The following TTC34 variants were observed in gnomAD, a reference collection of about 807,000 sequenced individuals.
The protein encoded by TTC34 is tetratricopeptide repeat protein 34.
A neutral mutation model predicts 40.7 loss-of-function variants in TTC34; 44 were observed. The ratio of observed to expected loss-of-function variants is 1.08; its 90% confidence interval spans 0.85 to 1.39. The LOEUF is 1.39. TTC34 is among the 40% of genes most tolerant of loss of function. The probability of loss-of-function intolerance (pLI) is 0.00; values close to 1 mark genes in which losing one functional copy is unlikely to be tolerated. For missense variants in TTC34, 884 were observed against 838.0 expected (o/e 1.05, Z -0.68); for synonymous variants, 422 against 398.6 (o/e 1.06, Z -0.70).
At chr1:2,780,925 A>G (rs1643472722) in intron 6 of TTC34, among the ~76,000 whole-genome samples, 1 of 152,090 alleles carries the variant, frequency 6.6e-6, no homozygotes, top group South Asian at 2.1e-4. Context: ...TGTCTTATTT[A>G]ATTTATTTCA....
intron 6 of TTC34, among the ~76,000 whole-genome samples, chr1:2,691,596 C>CAT (rs1360522570): frequency 2.8e-3 from 106 of 38,262 alleles, no homozygotes; most frequent in African/African-American, 5.7e-3. Flanking sequence ...CAGGTGAGAC[C>CAT]CTGACAGCCT....
intron 6 of TTC34, among the ~76,000 whole-genome samples, chr1:2,779,331 T>C (rs566762361): frequency 5.3e-5 from 8 of 152,210 alleles, no homozygotes; most frequent in African/African-American, 1.4e-4. Context: ...ATTTTTTTTT[T>C]CTTTTTTTTG....
chr1:2,645,159 G>T lies in TTC34; in HGVS notation c.2497+134C>A. 9.0e-7 allele frequency: 1 copy of T among 1,110,980 alleles called. No homozygotes were observed. The highest frequency in any genetic ancestry group is 1.2e-6 in the Non-Finnish European group (1 of 838,708). 68.8% of individuals were successfully genotyped at this position (1,110,980 alleles called of 1,614,324 possible). A position where few individuals can be genotyped will look rare whatever the true frequency, so the allele number is the denominator to read the frequency against. On this transcript the variant is annotated intron_variant, in intron 7 of 8. Transcript: ENST00000401095. The surrounding 1 kb of genome is among the most constrained non-coding windows in gnomAD (Gnocchi z 4.7). The stretch of plus-strand genomic sequence containing the variant: ...AGCAGGGCCAGAGGTCATGGGATTT[G>T]GGGTGGAAGGGACCTTGGAAGCTGT...
chr1:2,749,114 A>G (rs1569684929), intron 6 of TTC34, among the ~76,000 whole-genome samples: 3 of 141,314 alleles, frequency 2.1e-5, no homozygotes, highest in East Asian at 2.1e-4. Flanking sequence ...CTGGAGCAGC[A>G]CCCACACCCC....
In TTC34 at chr1:2,764,161, G is replaced by A. The variant is rs1171517959; in HGVS notation, c.2226+19448C>T. 8.3e-5 allele frequency among the ~76,000 whole-genome samples: 12 copies of A among 144,866 alleles called. No homozygotes were observed. The East Asian group carries it at 8.4e-4, about 10-fold the overall frequency. ...CCACTCTTCCAGGTGAGAATCTGACGCATAAAACAGCACCCTGCAACCCCA... is the reference window on the plus strand; with the variant it reads ...CCACTCTTCCAGGTGAGAATCTGACACATAAAACAGCACCCTGCAACCCCA... On this transcript the variant is annotated intron_variant, in intron 6 of 8. Coordinates refer to ENST00000401095, the Ensembl canonical transcript of TTC34.
chr1:2,749,455 C>G (rs1641246017), intron 6 of TTC34, among the ~76,000 whole-genome samples: 1 of 101,312 alleles, frequency 9.9e-6, no homozygotes, highest in Non-Finnish European at 2.0e-5. Context: ...CCCAGGTGAG[C>G]ATCTGACGGC....
At chr1:2,787,265 G>A (rs1045057243) in intron 4 of TTC34, among the ~76,000 whole-genome samples, 93 of 152,338 alleles carry the variant, frequency 6.1e-4, no homozygotes, top group Non-Finnish European at 5.9e-5. Flanking sequence ...TGCCCCAGCC[G>A]ATTTCCATGA....
chr1:2,768,641 C>A (rs1219803915), intron 6 of TTC34, among the ~76,000 whole-genome samples: 2 of 151,852 alleles, frequency 1.3e-5, no homozygotes, highest in Non-Finnish European at 2.9e-5. Context: ...CATCCGACAG[C>A]CTGGAACAGC....
chr1:2,772,914 G>C (rs1204236210), intron 6 of TTC34, among the ~76,000 whole-genome samples: 1 of 110,466 alleles, frequency 9.1e-6, no homozygotes, highest in South Asian at 3.2e-4. Context: ...GTGAGCATTC[G>C]ACAGCCTGGA....
intron 6 of TTC34, among the ~76,000 whole-genome samples, chr1:2,691,709 G>A (rs569453156): frequency 2.1e-5 from 2 of 96,486 alleles, no homozygotes; most frequent in Admixed American, 2.1e-4. Context: ...CACATCCCCA[G>A]GTGAGCATTG....
Position 2,752,779 on chromosome 1 carries a change from G to A in TTC34, c.2226+30830C>T, listed in dbSNP as rs1234556023. Among the ~76,000 whole-genome samples, 19 of 123,798 alleles carry A rather than the reference G, an allele frequency of 1.5e-4. 2 individuals carry two copies. Among genetic ancestry groups the A allele is most frequent in the Non-Finnish European group, 3.0e-4 (18 of 60,178 alleles). 81.2% of individuals were successfully genotyped at this position (123,798 alleles called of 152,430 possible). On this transcript the variant is annotated intron_variant, in intron 6 of 8. Transcript: ENST00000401095. ...GCGTGGAACAGCACCCATACGCCCA[G>A]ATAAGCATGTGACAGCCTGGAACAG...
At chr1:2,794,098 A>G (rs1299281992) in intron 2 of TTC34, among the ~76,000 whole-genome samples, 1 of 152,108 alleles carries the variant, frequency 6.6e-6, no homozygotes, top group Non-Finnish European at 1.5e-5. Flanking sequence ...CAAGCTTAAG[A>G]GATCCTCCCA....
At chr1:2,637,590 G>A (rs1377293454) in exon 9 of TTC34, 1 of 152,238 alleles carries the variant, frequency 6.6e-6, no homozygotes, top group East Asian at 1.9e-4. Flanking sequence ...GGCACCAGCA[G>A]AATTGAGGGC....
chr1:2,643,344 G>C (rs1638951853), intron 8 of TTC34, among the ~76,000 whole-genome samples: 1 of 152,216 alleles, frequency 6.6e-6, no homozygotes, highest in Non-Finnish European at 1.5e-5. Context: ...GCCGGGAGCC[G>C]CCTCCTGGCG....
intron 6 of TTC34, among the ~76,000 whole-genome samples, chr1:2,685,248 GCA>G (rs1640278512): frequency 9.6e-6 from 1 of 103,954 alleles, no homozygotes; most frequent in South Asian, 4.1e-4. Flanking sequence ...CCCCAGGTGA[GCA>G]TCTGAGAGCC....
rs1267280450 is a variant in TTC34 at position 2,747,961 on chromosome 1, C to A, written c.2226+35648G>T. The stretch of plus-strand genomic sequence containing the variant: ...ACATCGTGGAGCAGCACCCCACACC[C>A]ATAGGTGAGCATCTGACAGCCTGGA... On this transcript the variant is annotated intron_variant, in intron 6 of 8. Coordinates refer to ENST00000401095, the Ensembl canonical transcript of TTC34. Among the ~76,000 whole-genome samples the A allele has an allele frequency of 5.1e-4, 36 of 70,450 alleles. 14 individuals carry two copies. The highest frequency in any genetic ancestry group is 4.2e-3 in the African/African-American group (36 of 8,536). The allele number at this position is 70,450 out of a possible 152,430, so 46.2% of individuals were successfully genotyped here.
chr1:2,789,338 C>T lies in TTC34; in HGVS notation c.1628+165G>A, dbSNP rs1257247767. Among the ~76,000 whole-genome samples the T allele has an allele frequency of 2.6e-5, 4 of 152,334 alleles. No individual in the cohort carries two copies. The East Asian group carries it at 7.7e-4, about 29-fold the overall frequency. ...GGATTTCCATTTCCGGACTGCGGCCCGGTCGATGGAAGCAGCGGAGCTAGA... is the reference window on the plus strand; with the variant it reads ...GGATTTCCATTTCCGGACTGCGGCCTGGTCGATGGAAGCAGCGGAGCTAGA... On this transcript the variant is annotated intron_variant, in intron 3 of 8. Coordinates refer to ENST00000401095, the Ensembl canonical transcript of TTC34.
At chr1:2,656,422 G>A (rs1330319186) in intron 6 of TTC34, among the ~76,000 whole-genome samples, 3 of 67,636 alleles carry the variant, frequency 4.4e-5, no homozygotes, top group Non-Finnish European at 5.7e-5. Flanking sequence ...ACACCCCCAG[G>A]TGAGCATCTG....
chr1:2,753,331 C>A (rs1416983729), intron 6 of TTC34, among the ~76,000 whole-genome samples: 2 of 127,012 alleles, frequency 1.6e-5, no homozygotes, highest in East Asian at 5.3e-4. Flanking sequence ...GAGCATCACC[C>A]ACACCCCCAG....
Sources: allele counts gnomAD v4.1 joint callset (sites outside exome capture counted in the v4.1 genomes callset), GRCh38; gene constraint gnomAD v4.1.1; non-coding constraint Gnocchi (gnomAD v3.1); transcripts MANE v1.5; gene names NCBI Gene and HGNC (gene_info 2026-07-23, HGNC 2026-07-21).